The following IRAG1 variants were observed in gnomAD, a reference collection of about 807,000 sequenced individuals.
IRAG1 encodes the protein IP3R-associated cGMP kinase substrate.
A neutral mutation model predicts 106.2 loss-of-function variants in IRAG1; 62 were observed. That is an observed-to-expected ratio of 0.58 (90% CI 0.48 to 0.72). IRAG1 has a LOEUF of 0.72. Ranked by LOEUF, IRAG1 falls within the 30% of genes least tolerant of loss-of-function variation. The pLI, the probability that IRAG1 is intolerant of heterozygous loss-of-function variation, is 0.00. For missense variants in IRAG1, 1,064 were observed against 1,140.7 expected, an observed-to-expected ratio of 0.93 and a Z score of 0.97; for synonymous variants, 462 against 443.9, an observed-to-expected ratio of 1.04 and a Z score of -0.51.
At chr11:10,662,691 T>C (rs1445929677) in intron 1 of IRAG1, among the ~76,000 whole-genome samples, 1 of 152,230 alleles carries the variant, frequency 6.6e-6, no homozygotes, top group East Asian at 1.9e-4. Context: ...GCTGTGGTAC[T>C]CTGGAACCAC....
intron 20 of IRAG1, among the ~76,000 whole-genome samples, chr11:10,579,086 T>C (rs1851127467): frequency 6.6e-6 from 1 of 152,182 alleles, no homozygotes; most frequent in South Asian, 2.1e-4. Flanking sequence ...GATTGCACTT[T>C]AATTGTTAAA....
chr11:10,599,867 A>G (rs930670192), intron 15 of IRAG1: 1 of 152,138 alleles, frequency 6.6e-6, no homozygotes, highest in Non-Finnish European at 1.5e-5. Flanking sequence ...CACCTCCAAT[A>G]TATTGTCCAC....
At chr11:10,606,403 G>A (rs1325576070) in intron 12 of IRAG1, among the ~76,000 whole-genome samples, 1 of 152,184 alleles carries the variant, frequency 6.6e-6, no homozygotes, top group African/African-American at 2.4e-5. Context: ...CCATTTTTCA[G>A]TAATTTTGAA....
chr11:10,662,588 A>G (rs987654466), intron 1 of IRAG1, among the ~76,000 whole-genome samples: 1 of 152,186 alleles, frequency 6.6e-6, no homozygotes, highest in African/African-American at 2.4e-5. Context: ...CAGCCCCACC[A>G]GCCCCTCTGG....
chr11:10,594,219 GAGA>G, intron 15 of IRAG1, 24 bp from the exon 16 acceptor site: 1 of 1,602,598 alleles, frequency 6.2e-7, no homozygotes, highest in Non-Finnish European at 8.5e-7. Context: ...GAGCAGAGAA[GAGA>G]ACACAGGTAA....
chr11:10,591,637 A>G (rs755512597), intron 17 of IRAG1, 25 bp from the exon 18 acceptor site: 2 of 1,570,934 alleles, frequency 1.3e-6, no homozygotes, highest in East Asian at 4.6e-5. Flanking sequence ...GAAGACAGAG[A>G]ATTGAGGATG....
At chr11:10,586,501 TC>T (rs1263240640) in intron 18 of IRAG1, among the ~76,000 whole-genome samples, 1 of 148,404 alleles carries the variant, frequency 6.7e-6, no homozygotes, top group Middle Eastern at 3.6e-3. Context: ...CACTGCAACC[TC>T]CACCTCCCAG....
chr11:10,589,898 A>T (rs1441433832), intron 18 of IRAG1, among the ~76,000 whole-genome samples: 1 of 152,154 alleles, frequency 6.6e-6, no homozygotes, highest in Non-Finnish European at 1.5e-5. Context: ...TCATGTTTTC[A>T]TGATCCCCAC....
At chr11:10,616,025 G>A (rs1029784976) in intron 10 of IRAG1, among the ~76,000 whole-genome samples, 3 of 149,784 alleles carry the variant, frequency 2.0e-5, no homozygotes, top group African/African-American at 7.4e-5. Context: ...TCCACTTTTG[G>A]CTGGGCGCGG....
At chr11:10,683,698 G>A (rs575944557) in intron 1 of IRAG1, among the ~76,000 whole-genome samples, 1 of 152,250 alleles carries the variant, frequency 6.6e-6, no homozygotes, top group South Asian at 2.1e-4. Flanking sequence ...CCTTGCTCCA[G>A]CACCACATCT....
At chr11:10,618,977 G>A (rs1306964694) in intron 10 of IRAG1, among the ~76,000 whole-genome samples, 1 of 152,130 alleles carries the variant, frequency 6.6e-6, no homozygotes, top group Admixed American at 6.5e-5. Flanking sequence ...TGCAGGGAGA[G>A]GGGACCAGGT....
intron 15 of IRAG1, among the ~76,000 whole-genome samples, chr11:10,595,177 G>A (rs939804494): frequency 5.3e-5 from 8 of 151,552 alleles, no homozygotes; most frequent in Non-Finnish European, 1.0e-4. Flanking sequence ...TACCCGCCTC[G>A]GCCGCCCAAG....
At chr11:10,655,466 T>C (rs1016392098) in intron 1 of IRAG1, among the ~76,000 whole-genome samples, 8 of 152,228 alleles carry the variant, frequency 5.3e-5, no homozygotes, top group Non-Finnish European at 8.8e-5. Flanking sequence ...TCATAACTAA[T>C]GACTGAAAGG....
intron 10 of IRAG1, among the ~76,000 whole-genome samples, chr11:10,611,094 CTCAAGGTAA>C (rs1408490402): frequency 6.6e-6 from 1 of 152,128 alleles, no homozygotes; most frequent in Non-Finnish European, 1.5e-5. Context: ...TCTAGTTTGG[CTCAAGGTAA>C]AATATGTTTA....
Position 10,676,472 on chromosome 11 carries a change from C to A in IRAG1, c.67+17064G>T, listed in dbSNP as rs142234089. On this transcript the variant is annotated intron_variant, in intron 1 of 20. Transcript: ENST00000423302. ...GATTGGAGCTATGACACTGGACTGG[C>A]CCCACAGAATATCCCATGCTCCCAG... 3.5e-3 allele frequency among the ~76,000 whole-genome samples: 537 copies of A among 152,292 alleles called. 4 individuals carry two copies. Among genetic ancestry groups the A allele is most frequent in the African/African-American group, 0.012 (510 of 41,556 alleles).
rs764054164 is a variant in IRAG1 at position 10,576,402 on chromosome 11, G to A, written c.2669C>T (p.Thr890Ile). 1.2e-6 allele frequency: 2 copies of A among 1,614,042 alleles called. No individual in the cohort carries two copies. Among genetic ancestry groups the A allele is most frequent in the East Asian group, 4.5e-5 (2 of 44,876 alleles). ...EQADGPLGRS[T>I]CSAAQRDSWW... ...GGAGTCCCTCTGGGCTGCCGAGCAA[G>A]TGGATCTTCCAAGGGGCCCATCAGC... Residue 890 changes from threonine (T) to isoleucine (I), a missense_variant, in exon 21 of 21, where the codon ACT (threonine) becomes ATT (isoleucine). Coordinates refer to ENST00000423302, the MANE Select transcript of IRAG1 (RefSeq NM_130385.4).
intron 17 of IRAG1, among the ~76,000 whole-genome samples, chr11:10,591,922 G>A (rs1232636209): frequency 1.3e-5 from 2 of 152,148 alleles, no homozygotes; most frequent in African/African-American, 2.4e-5. Flanking sequence ...TCTCTGTCCC[G>A]TTTAGCAACT....
chr11:10,653,419 C>T (rs368727783), intron 1 of IRAG1, among the ~76,000 whole-genome samples: 61 of 152,324 alleles, frequency 4.0e-4, no homozygotes, highest in South Asian at 3.7e-3. Flanking sequence ...ACTACTCTTT[C>T]GTGCTTCTTG....
chr11:10,634,015 C>G lies in IRAG1; in HGVS notation c.282G>C (p.Gly94=). ...CSPTPTIVLT[G]DATSPEGETD... is the part of the protein sequence containing the mutation. ...TTTCTCCTTCTGGTGAAGTGGCATC[C>G]CCAGTCAGGACAATCGTGGGAGTTG... Residue 94 remains glycine, a synonymous_variant, in exon 3 of 21, where the codon GGG becomes GGC. Transcript: ENST00000423302. 6.2e-7 allele frequency: 1 copy of G among 1,612,604 alleles called. No individual in the cohort carries two copies. The highest frequency in any genetic ancestry group is 2.2e-5 in the East Asian group (1 of 44,834).
Sources: allele counts gnomAD v4.1 joint callset (sites outside exome capture counted in the v4.1 genomes callset), GRCh38; gene constraint gnomAD v4.1.1; transcripts MANE v1.5; gene names NCBI Gene and HGNC (gene_info 2026-07-23, HGNC 2026-07-21).